LRRTM4: variants seen among roughly 807,000 people sequenced by gnomAD.
The protein encoded by LRRTM4 is leucine-rich repeat transmembrane neuronal protein 4.
In LRRTM4, 25 loss-of-function variants were observed where a neutral mutation model predicts 47.6. That is an observed-to-expected ratio of 0.53 (90% CI 0.38 to 0.73). LRRTM4 has a LOEUF of 0.73. Ranked by LOEUF, LRRTM4 falls within the 30% of genes least tolerant of loss-of-function variation. The pLI, the probability that LRRTM4 is intolerant of heterozygous loss-of-function variation, is 0.00. For missense variants in LRRTM4, 638 were observed against 713.4 expected (o/e 0.89, Z 1.20); for synonymous variants, 311 against 269.5 (o/e 1.15, Z -1.51).
At chr2:76,820,110 C>A (rs1671011684) in intron 3 of LRRTM4, among the ~76,000 whole-genome samples, 1 of 151,874 alleles carries the variant, frequency 6.6e-6, no homozygotes, top group Admixed American at 6.6e-5. Flanking sequence ...CTTCAACTCC[C>A]ATTCTGTTTA....
intron 3 of LRRTM4, among the ~76,000 whole-genome samples, chr2:77,288,168 G>A (rs1173402903): frequency 6.6e-6 from 1 of 151,584 alleles, no homozygotes; most frequent in Non-Finnish European, 1.5e-5. Context: ...AATAGAGCAT[G>A]GCCACTATTA....
At chr2:76,906,526 G>A (rs1453319665) in intron 3 of LRRTM4, among the ~76,000 whole-genome samples, 4 of 152,014 alleles carry the variant, frequency 2.6e-5, no homozygotes, top group African/African-American at 4.8e-5. Context: ...TGGACTAAAT[G>A]CTCCAATCAA....
At chr2:77,457,921 G>C (rs1459032302) in intron 3 of LRRTM4, among the ~76,000 whole-genome samples, 2 of 152,098 alleles carry the variant, frequency 1.3e-5, no homozygotes, top group East Asian at 3.9e-4. Flanking sequence ...TTTTATTTTA[G>C]AGAGTTCACT....
intron 3 of LRRTM4, among the ~76,000 whole-genome samples, chr2:77,123,903 A>G (rs529844099): frequency 6.6e-6 from 1 of 152,212 alleles, no homozygotes; most frequent in African/African-American, 2.4e-5. Flanking sequence ...AGGATATAAG[A>G]AAATATCACA....
chr2:77,171,327 A>C (rs182384972), intron 3 of LRRTM4, among the ~76,000 whole-genome samples: 140 of 152,140 alleles, frequency 9.2e-4, no homozygotes, highest in Non-Finnish European at 3.1e-4. Flanking sequence ...CCCAGGCAGG[A>C]GTGAAGTGGT....
intron 3 of LRRTM4, among the ~76,000 whole-genome samples, chr2:77,474,354 T>C (rs962534414): frequency 3.3e-5 from 5 of 150,868 alleles, no homozygotes; most frequent in African/African-American, 1.2e-4. Context: ...TAGTAGTCCA[T>C]TTTTTTTTCC....
intron 3 of LRRTM4, among the ~76,000 whole-genome samples, chr2:76,766,971 C>T (rs368699197): frequency 6.6e-6 from 1 of 152,182 alleles, no homozygotes; most frequent in African/African-American, 2.4e-5. Flanking sequence ...TAGACAAGCC[C>T]TCCTTCACAG....
chr2:76,914,023 A>G (rs1446977736), intron 3 of LRRTM4, among the ~76,000 whole-genome samples: 1 of 151,696 alleles, frequency 6.6e-6, no homozygotes, highest in Non-Finnish European at 1.5e-5. Context: ...ATAAAATTTA[A>G]AAGTATAATT....
intron 3 of LRRTM4, among the ~76,000 whole-genome samples, chr2:77,108,555 A>G (rs1376519305): frequency 6.6e-6 from 1 of 150,486 alleles, no homozygotes; most frequent in Non-Finnish European, 1.5e-5. Context: ...TAGTTATTTA[A>G]TTTTTTAAAG....
intron 3 of LRRTM4, among the ~76,000 whole-genome samples, chr2:76,787,820 A>G (rs1390876046): frequency 6.6e-6 from 1 of 152,074 alleles, no homozygotes; most frequent in East Asian, 1.9e-4. Context: ...GGAAAAAGCC[A>G]GTTTCTGTCA....
chr2:76,807,665 C>G (rs898196037), intron 3 of LRRTM4, among the ~76,000 whole-genome samples: 1 of 149,864 alleles, frequency 6.7e-6, no homozygotes, highest in African/African-American at 2.5e-5. Flanking sequence ...GATCTCAGCT[C>G]ATCGCAACCT....
intron 3 of LRRTM4, among the ~76,000 whole-genome samples, chr2:76,865,928 A>C (rs1346326805): frequency 2.6e-5 from 4 of 152,192 alleles, no homozygotes; most frequent in Non-Finnish European, 2.9e-5. Context: ...TTTGACTATC[A>C]GAATTATTTT....
chr2:76,932,507 A>T (rs962902448), intron 3 of LRRTM4, among the ~76,000 whole-genome samples: 3 of 152,108 alleles, frequency 2.0e-5, no homozygotes, highest in Non-Finnish European at 4.4e-5. Flanking sequence ...GTGCAAAAAA[A>T]TATTACAGGA....
chr2:77,164,133 A>G (rs904616597), intron 3 of LRRTM4, among the ~76,000 whole-genome samples: 14 of 152,160 alleles, frequency 9.2e-5, no homozygotes, highest in Non-Finnish European at 1.8e-4. Context: ...AGCAAATGGA[A>G]AACAAAACAA....
At chr2:76,969,870 G>A (rs949168030) in intron 3 of LRRTM4, among the ~76,000 whole-genome samples, 30 of 151,836 alleles carry the variant, frequency 2.0e-4, no homozygotes, top group African/African-American at 2.9e-4. Flanking sequence ...AAGAAATGGC[G>A]GATTAGAGAC....
chr2:77,145,401 A>G (rs1289121602), intron 3 of LRRTM4, among the ~76,000 whole-genome samples: 7 of 152,040 alleles, frequency 4.6e-5, no homozygotes. Flanking sequence ...ATTTTATAAC[A>G]AAAGCAGTGA....
intron 3 of LRRTM4, among the ~76,000 whole-genome samples, chr2:77,126,471 T>G (rs1037226818): frequency 6.6e-6 from 1 of 152,172 alleles, no homozygotes; most frequent in African/African-American, 2.4e-5. Context: ...GTGATATATT[T>G]CACCCTGTGC....
chr2:77,210,563 C>T (rs1674263058), intron 3 of LRRTM4, among the ~76,000 whole-genome samples: 2 of 152,036 alleles, frequency 1.3e-5, no homozygotes, highest in African/African-American at 4.8e-5. Context: ...CATTTTATAT[C>T]CATTTAATTC....
intron 3 of LRRTM4, among the ~76,000 whole-genome samples, chr2:76,959,649 A>C (rs1423341911): frequency 6.6e-6 from 1 of 151,738 alleles, no homozygotes; most frequent in Non-Finnish European, 1.5e-5. Context: ...AAATATGTGC[A>C]AACAACATGC....
Sources: allele counts gnomAD v4.1 joint callset (sites outside exome capture counted in the v4.1 genomes callset), GRCh38; gene constraint gnomAD v4.1.1; transcripts MANE v1.5; gene names NCBI Gene and HGNC (gene_info 2026-07-23, HGNC 2026-07-21).